Variants in SNX1 observed in about 807,000 individuals in gnomAD.
SNX1 encodes sorting nexin 1.
SNX1 carries 36 observed loss-of-function variants against 71.8 expected under a neutral mutation model. That is an observed-to-expected ratio of 0.50 (90% CI 0.38 to 0.66). SNX1 has a LOEUF of 0.66. SNX1 is among the 30% of genes least tolerant of loss of function. SNX1 has a pLI of 0.00. For missense variants in SNX1, 612 were observed against 646.7 expected (o/e 0.95, Z 0.58); for synonymous variants, 254 against 240.7 (o/e 1.06, Z -0.51).
At chr15:64,114,935 A>G (rs2081113553) in intron 2 of SNX1, among the ~76,000 whole-genome samples, 1 of 152,160 alleles carries the variant, frequency 6.6e-6, no homozygotes, top group Admixed American at 6.5e-5. Flanking sequence ...TGAGCCCAGG[A>G]TTTAAGACCA....
Position 64,137,813 on chromosome 15 carries a change from G to A in SNX1, c.*195G>A, listed in dbSNP as rs4261474. 7.0e-7 allele frequency: 1 copy of A among 1,422,098 alleles called. No individual in the cohort carries two copies. Among genetic ancestry groups the A allele is most frequent in the Non-Finnish European group, 9.2e-7 (1 of 1,089,434 alleles). 88.1% of individuals were successfully genotyped at this position (1,422,098 alleles called of 1,614,324 possible). A position where few individuals can be genotyped will look rare whatever the true frequency, so the allele number is the denominator to read the frequency against. Reference sequence around the variant, plus strand: ...CTTCCATATATATTTTCTTACCTAAGAGAATAGTTTCCTGCTTTAAGCAAA... The same window carrying A: ...CTTCCATATATATTTTCTTACCTAAAAGAATAGTTTCCTGCTTTAAGCAAA... On this transcript the variant is annotated 3_prime_UTR_variant, in exon 15 of 15. Coordinates refer to ENST00000559844, the MANE Select transcript of SNX1 (RefSeq NM_003099.5).
intron 1 of SNX1, among the ~76,000 whole-genome samples, chr15:64,108,598 T>C (rs1300101656): frequency 6.6e-6 from 1 of 152,208 alleles, no homozygotes; most frequent in Admixed American, 6.5e-5. Flanking sequence ...GATAATGTTA[T>C]TATGCCTCAA....
At chr15:64,097,362 C>T (rs187885250) in intron 1 of SNX1, among the ~76,000 whole-genome samples, 2 of 152,244 alleles carry the variant, frequency 1.3e-5, no homozygotes, top group East Asian at 3.9e-4. Flanking sequence ...TTCCCTGCCC[C>T]CAAACCCAGG....
rs763976974 is a variant in SNX1, at chr15:64,142,627, T to C, written c.*5009T>C. The C allele has an allele frequency of 1.1e-5, 5 of 455,818 alleles. No homozygotes were observed. The highest frequency in any genetic ancestry group is 6.0e-5 in the African/African-American group (3 of 50,026). The allele number at this position is 455,818 out of a possible 1,614,324, so 28.2% of individuals were successfully genotyped here. A position where few individuals can be genotyped will look rare whatever the true frequency, so the allele number is the denominator to read the frequency against. On this transcript the variant is annotated 3_prime_UTR_variant, in exon 15 of 15. Transcript: ENST00000559844. ...GCTTGATAATTAAAATTTTCTGAGA[T>C]AGGAATGTCATATTTACCTATTTAA...
intron 2 of SNX1, among the ~76,000 whole-genome samples, chr15:64,113,749 A>G (rs1331352236): frequency 6.6e-6 from 1 of 152,096 alleles, no homozygotes; most frequent in Non-Finnish European, 1.5e-5. Context: ...TAAACCCTGG[A>G]GGTGGAAGTT....
At position 64,128,172 on chromosome 15, in the gene SNX1, G is replaced by GAAAA. The variant is rs761485508; in HGVS notation, c.807+366_807+367insAAAA. Among the ~76,000 whole-genome samples the GAAAA allele has an allele frequency of 1.7e-4, 26 of 152,326 alleles. 1 individual carries two copies. The East Asian group carries it at 4.0e-3, about 24-fold the overall frequency. On this transcript the variant is annotated intron_variant, in intron 8 of 14. Transcript: ENST00000559844. ...TTACCACAAACCACAGAACTACCAT[G>GAAAA]TAGGAAAAGTGTTGATTGAAGTAGA...
intron 1 of SNX1, among the ~76,000 whole-genome samples, chr15:64,108,785 C>A (rs918488841): frequency 6.7e-6 from 1 of 149,946 alleles, no homozygotes; most frequent in Non-Finnish European, 1.5e-5. Context: ...GTCAGGAGTT[C>A]GAGACCAGCC....
intron 1 of SNX1, among the ~76,000 whole-genome samples, chr15:64,105,158 C>T (rs987047443): frequency 1.3e-5 from 2 of 150,646 alleles, no homozygotes; most frequent in African/African-American, 4.9e-5. Flanking sequence ...TCGCTTGAAC[C>T]CGCGAAGTGG....
Position 64,134,426 on chromosome 15 carries a change from C to G in SNX1, c.1222-238C>G, listed in dbSNP as rs1248004853. 2.0e-6 allele frequency: 1 copy of G among 512,304 alleles called. No homozygotes were observed. The highest frequency in any genetic ancestry group is 1.9e-5 in the African/African-American group (1 of 51,848). 31.7% of individuals were successfully genotyped at this position (512,304 alleles called of 1,614,324 possible). On this transcript the variant is annotated intron_variant, in intron 11 of 14. Coordinates refer to ENST00000559844, the MANE Select transcript of SNX1 (RefSeq NM_003099.5). The surrounding 1 kb of genome is among the most constrained non-coding windows in gnomAD (Gnocchi z 4.1). ...GGCCACCTACTGGATCCCTGCCATC[C>G]AGCCCTGGGAGTAGCATGAAGCAGC... is the stretch of plus-strand genomic sequence containing the variant.
At chr15:64,118,456 A>G (rs1350785815) in intron 3 of SNX1, among the ~76,000 whole-genome samples, 3 of 152,264 alleles carry the variant, frequency 2.0e-5, no homozygotes, top group Non-Finnish European at 4.4e-5. Flanking sequence ...AGTGGTTACT[A>G]AAGATACTTA....
At chr15:64,126,874 G>A (rs1054661725) in intron 6 of SNX1, among the ~76,000 whole-genome samples, 10 of 152,078 alleles carry the variant, frequency 6.6e-5, no homozygotes, top group African/African-American at 1.9e-4. Flanking sequence ...CACTGCGCCC[G>A]GCCAGGAGCC....
chr15:64,133,701 C>T (rs1395996925), intron 11 of SNX1, among the ~76,000 whole-genome samples: 1 of 152,232 alleles, frequency 6.6e-6, no homozygotes, highest in Non-Finnish European at 1.5e-5. Context: ...CGCCATTGCA[C>T]TCCAGCCTGA....
rs1207290973 is a variant in SNX1, at chr15:64,139,987, A to G, written c.*2369A>G. The G allele has an allele frequency of 2.0e-5, 3 of 152,324 alleles. No homozygotes were observed. Among genetic ancestry groups the G allele is most frequent in the South Asian group, 2.1e-4 (1 of 4,818 alleles). 9.4% of individuals were successfully genotyped at this position (152,324 alleles called of 1,614,324 possible). On this transcript the variant is annotated 3_prime_UTR_variant, in exon 15 of 15. Coordinates refer to ENST00000559844, the MANE Select transcript of SNX1 (RefSeq NM_003099.5). Reference sequence around the variant, plus strand: ...GTGTCGTCAGTGCGTCGTAATCAGCATATAATGTCAGTTGGTCCCATTAAT... The same window carrying G: ...GTGTCGTCAGTGCGTCGTAATCAGCGTATAATGTCAGTTGGTCCCATTAAT...
chr15:64,121,485 A>G (rs143024837), intron 4 of SNX1, among the ~76,000 whole-genome samples: 21 of 152,186 alleles, frequency 1.4e-4, no homozygotes, highest in East Asian at 7.7e-4. Context: ...ATGCATGTCT[A>G]TCTCTGTGTG....
At chr15:64,118,935 C>G in intron 4 of SNX1, 81 bp downstream of exon 4, 1 of 1,051,660 alleles carries the variant, frequency 9.5e-7, no homozygotes, top group Non-Finnish European at 1.5e-6. Context: ...ATGGCTACCC[C>G]CAGAGTTGAA....
chr15:64,120,006 C>T (rs1480644493), intron 4 of SNX1, among the ~76,000 whole-genome samples: 5 of 152,264 alleles, frequency 3.3e-5, no homozygotes, highest in African/African-American at 1.2e-4. Flanking sequence ...AAAAGCATAA[C>T]ACTTAACTTT....
In SNX1 at chr15:64,138,391, C is replaced by T; in HGVS notation, c.*773C>T. ...CCTTTCTCTTTTATTCTTCCTGCTT[C>T]CCTAAGCTGCTCAGGGTTCTCTGAG... On this transcript the variant is annotated 3_prime_UTR_variant, in exon 15 of 15. Transcript: ENST00000559844. The T allele has an allele frequency of 1.9e-6, 1 of 535,112 alleles. No individual in the cohort carries two copies. Among genetic ancestry groups the T allele is most frequent in the Non-Finnish European group, 3.2e-6 (1 of 314,910 alleles). The allele number at this position is 535,112 out of a possible 1,614,324, so 33.1% of individuals were successfully genotyped here.
chr15:64,096,279 C>T (rs1193935729), intron 1 of SNX1, 107 bp downstream of exon 1: 4 of 1,346,058 alleles, frequency 3.0e-6, no homozygotes, highest in South Asian at 2.7e-5. Flanking sequence ...TGAGACCTTG[C>T]CTCGGTGTCA....
chr15:64,118,865 C>T lies in SNX1; in HGVS notation c.466+11C>T. The T allele has an allele frequency of 6.2e-7, 1 of 1,601,080 alleles. No individual in the cohort carries two copies. Among genetic ancestry groups the T allele is most frequent in the Non-Finnish European group, 8.6e-7 (1 of 1,169,402 alleles). ...ATCCTGAGAAGATAGGTAAGTGGTT[C>T]TTAGGACTCCTTGTGATGTTAGGAT... is the stretch of plus-strand genomic sequence containing the variant. On this transcript the variant is annotated intron_variant, in intron 4 of 14. Coordinates refer to ENST00000559844, the MANE Select transcript of SNX1 (RefSeq NM_003099.5).
Sources: gnomAD v4.1 joint callset for allele counts (sites outside exome capture counted in the v4.1 genomes callset) on GRCh38, gnomAD v4.1.1 for gene constraint, Gnocchi (gnomAD v3.1) non-coding constraint, MANE v1.5 for transcripts, NCBI Gene and HGNC (gene_info 2026-07-23, HGNC 2026-07-21) for gene names.